Variants in DLGAP2 observed in about 807,000 individuals in gnomAD.
DLGAP2 encodes disks large-associated protein 2.
A neutral mutation model predicts 100.3 loss-of-function variants in DLGAP2; 26 were observed. That is an observed-to-expected ratio of 0.26 (90% CI 0.19 to 0.36). The LOEUF (loss-of-function observed/expected upper bound fraction) is 0.36, where lower values mean the gene tolerates loss of function less well. Ranked by LOEUF, DLGAP2 falls within the 10% of genes least tolerant of loss-of-function variation. The pLI, the probability that DLGAP2 is intolerant of heterozygous loss-of-function variation, is 1.00. For missense variants in DLGAP2, 1,858 were observed against 1,453.2 expected (o/e 1.28, Z -4.53); for synonymous variants, 886 against 630.1 (o/e 1.41, Z -6.08).
intron 2 of DLGAP2, among the ~76,000 whole-genome samples, chr8:1,165,230 A>G (rs1227882150): frequency 2.0e-5 from 3 of 150,826 alleles, no homozygotes; most frequent in African/African-American, 7.4e-5. Flanking sequence ...GGCGGGAGGA[A>G]CAGAGGCAGA....
rs950198131 is a variant in DLGAP2 at position 1,582,604 on chromosome 8, C to T, written c.1442+16710C>T. ...TGAAGTTCGTTCTTTTCTTTTCCCCCGCCAAGATGGAGTCTCGCTCCGTCA... is the reference window on the plus strand; with the variant it reads ...TGAAGTTCGTTCTTTTCTTTTCCCCTGCCAAGATGGAGTCTCGCTCCGTCA... On this transcript the variant is annotated intron_variant, in intron 6 of 14. Transcript: ENST00000637795. 5.3e-5 allele frequency among the ~76,000 whole-genome samples: 8 copies of T among 152,042 alleles called. No homozygotes were observed. The East Asian group carries it at 1.5e-3, about 29-fold the overall frequency.
chr8:1,347,306 GT>G (rs1227015851), intron 3 of DLGAP2, among the ~76,000 whole-genome samples: 1 of 151,872 alleles, frequency 6.6e-6, no homozygotes, highest in African/African-American at 2.4e-5. Context: ...TGGAGGTTGA[GT>G]TCCCCCACAG....
At chr8:1,282,244 T>C (rs1437514682) in intron 3 of DLGAP2, among the ~76,000 whole-genome samples, 1 of 134,354 alleles carries the variant, frequency 7.4e-6, no homozygotes, top group Admixed American at 7.7e-5. Context: ...CAGGACATGG[T>C]GTGACCTGAA....
chr8:1,193,307 C>T (rs930375733), intron 2 of DLGAP2, among the ~76,000 whole-genome samples: 15 of 152,158 alleles, frequency 9.9e-5, no homozygotes, highest in South Asian at 2.1e-4. Flanking sequence ...AAAGTGTTCC[C>T]ATTTCTCCAC....
At chr8:1,340,814 CAG>C (rs1162056195) in intron 3 of DLGAP2, among the ~76,000 whole-genome samples, 3 of 152,128 alleles carry the variant, frequency 2.0e-5, no homozygotes, top group Admixed American at 2.0e-4. Context: ...TTCACAATAG[CAG>C]AGACGTGGAA....
chr8:1,062,616 C>G (rs934345688), intron 2 of DLGAP2, among the ~76,000 whole-genome samples: 1 of 152,192 alleles, frequency 6.6e-6, no homozygotes, highest in Admixed American at 6.5e-5. Context: ...GCCGCTTTCC[C>G]TCGATACTTT....
chr8:1,303,384 G>A (rs1319650248), intron 3 of DLGAP2, among the ~76,000 whole-genome samples: 3 of 139,924 alleles, frequency 2.1e-5, no homozygotes, highest in Non-Finnish European at 4.6e-5. Flanking sequence ...GCGACAGAGC[G>A]AGACTCCGTC....
chr8:1,004,579 G>C (rs376726508), intron 2 of DLGAP2, among the ~76,000 whole-genome samples: 1 of 152,188 alleles, frequency 6.6e-6, no homozygotes, highest in African/African-American at 2.4e-5. Context: ...AGACCCTCCT[G>C]TATAGTGCCT....
chr8:1,304,204 C>T (rs1208663976), intron 3 of DLGAP2, among the ~76,000 whole-genome samples: 1 of 152,202 alleles, frequency 6.6e-6, no homozygotes, highest in Admixed American at 6.5e-5. Context: ...GAGCTGACAG[C>T]TTTTGTGTCC....
At chr8:1,270,550 C>T (rs553835359) in intron 3 of DLGAP2, among the ~76,000 whole-genome samples, 1 of 152,322 alleles carries the variant, frequency 6.6e-6, no homozygotes, top group Admixed American at 6.5e-5. Context: ...AGGAAGCAGG[C>T]ACCACTGTCT....
chr8:1,077,565 C>G lies in DLGAP2; in HGVS notation c.73+169599C>G, dbSNP rs574127215. Reference sequence around the variant, plus strand: ...TACCAGAGGTACTTCATAATATCAACTGGTGTGCTAACAAGAAGGTGAGAT... The same window carrying G: ...TACCAGAGGTACTTCATAATATCAAGTGGTGTGCTAACAAGAAGGTGAGAT... On this transcript the variant is annotated intron_variant, in intron 2 of 14. Transcript: ENST00000637795. Among the ~76,000 whole-genome samples the G allele has an allele frequency of 2.0e-5, 3 of 152,306 alleles. No individual in the cohort carries two copies. In the South Asian group the frequency reaches 6.2e-4, roughly 32 times the overall value.
intron 2 of DLGAP2, among the ~76,000 whole-genome samples, chr8:923,671 A>G (rs774461891): frequency 8.5e-5 from 13 of 152,226 alleles, no homozygotes; most frequent in African/African-American, 1.2e-4. Flanking sequence ...CTTGGTGCAT[A>G]GGGGACAGTC....
At chr8:989,119 C>T (rs1800575529) in intron 2 of DLGAP2, among the ~76,000 whole-genome samples, 1 of 152,190 alleles carries the variant, frequency 6.6e-6, no homozygotes, top group Non-Finnish European at 1.5e-5. Context: ...GCAGTGCAGT[C>T]CCAGCCTTCA....
At chr8:853,174 C>A (rs948656267) in intron 1 of DLGAP2, among the ~76,000 whole-genome samples, 1 of 152,124 alleles carries the variant, frequency 6.6e-6, no homozygotes, top group Non-Finnish European at 1.5e-5. Context: ...TCCCAGGGCT[C>A]GGCACAGCTG....
At chr8:1,018,876 T>G (rs1343748897) in intron 2 of DLGAP2, 3 of 152,182 alleles carry the variant, frequency 2.0e-5, no homozygotes, top group Non-Finnish European at 4.4e-5. Context: ...CAAATCCAGT[T>G]TGTGCAATGA....
At chr8:1,645,193 G>C (rs1436452691) in intron 8 of DLGAP2, among the ~76,000 whole-genome samples, 1 of 152,258 alleles carries the variant, frequency 6.6e-6, no homozygotes, top group East Asian at 1.9e-4. Flanking sequence ...TTGACTTAAA[G>C]ATGGTTGGAC....
At chr8:1,342,494 C>A (rs187657385) in intron 3 of DLGAP2, among the ~76,000 whole-genome samples, 2 of 143,190 alleles carry the variant, frequency 1.4e-5, no homozygotes, top group South Asian at 4.9e-4. Context: ...TGTGAAGGGC[C>A]AAGTAGTTAA....
chr8:1,230,337 A>C (rs1043250524), intron 2 of DLGAP2, among the ~76,000 whole-genome samples: 7 of 152,204 alleles, frequency 4.6e-5, no homozygotes, highest in African/African-American at 1.7e-4. Flanking sequence ...GGAGAACTAT[A>C]AAACACTGCT....
intron 2 of DLGAP2, among the ~76,000 whole-genome samples, chr8:1,172,806 T>A (rs562413894): frequency 1.9e-3 from 282 of 152,318 alleles, no homozygotes; most frequent in Middle Eastern, 6.8e-3. Context: ...TCAAAGTTTT[T>A]AACTTCTTTG....
Sources: allele counts gnomAD v4.1 joint callset (sites outside exome capture counted in the v4.1 genomes callset), GRCh38; gene constraint gnomAD v4.1.1; transcripts MANE v1.5; gene names NCBI Gene and HGNC (gene_info 2026-07-23, HGNC 2026-07-21).